Variants in CNOT6 observed in about 807,000 individuals in gnomAD.
CNOT6 encodes the protein CCR4-NOT transcription complex subunit 6, also known as carbon catabolite repression 4 protein.
A neutral mutation model predicts 61.2 loss-of-function variants in CNOT6; 12 were observed. The ratio of observed to expected loss-of-function variants is 0.20; its 90% CI spans 0.13 to 0.32. The LOEUF is 0.32. CNOT6 is among the 10% of genes least tolerant of loss of function. CNOT6 has a pLI of 1.00. For missense variants in CNOT6, 405 were observed against 663.9 expected, an observed-to-expected ratio of 0.61 and a Z score of 4.28; for synonymous variants, 225 against 240.6, an observed-to-expected ratio of 0.94 and a Z score of 0.60.
chr5:180,566,482 A>G (rs1222938589), intron 7 of CNOT6, among the ~76,000 whole-genome samples: 1 of 151,962 alleles, frequency 6.6e-6, no homozygotes, highest in African/African-American at 2.4e-5. Context: ...TTCTTGTTCC[A>G]CCTCAGTTCT....
chr5:180,564,813 T>A, intron 6 of CNOT6, 70 bp downstream of exon 6: 1 of 1,162,478 alleles, frequency 8.6e-7, no homozygotes, highest in Non-Finnish European at 1.3e-6. Context: ...ATTGTCAGCA[T>A]GCTTAGATTA....
At chr5:180,504,126 A>T (rs926180073) in intron 1 of CNOT6, among the ~76,000 whole-genome samples, 8 of 152,240 alleles carry the variant, frequency 5.3e-5, no homozygotes, top group Non-Finnish European at 1.0e-4. Context: ...TCCACATAAG[A>T]GTACTTTTCA....
intron 4 of CNOT6, among the ~76,000 whole-genome samples, chr5:180,561,393 T>TG (rs1554102908): frequency 6.7e-6 from 1 of 149,116 alleles, no homozygotes; most frequent in Non-Finnish European, 1.5e-5. Flanking sequence ...TGTGTGTGTG[T>TG]TTTCAAGCAT....
At chr5:180,556,280 G>GGAAA (rs1194604637) in intron 4 of CNOT6, among the ~76,000 whole-genome samples, 7 of 152,278 alleles carry the variant, frequency 4.6e-5, no homozygotes. Flanking sequence ...GGGACAGAGT[G>GGAAA]GAAAGGAGAG....
chr5:180,530,185 T>C (rs1426957719), intron 2 of CNOT6, among the ~76,000 whole-genome samples: 1 of 152,238 alleles, frequency 6.6e-6, no homozygotes, highest in Non-Finnish European at 1.5e-5. Context: ...TTTTGTCGTC[T>C]TTCACCTGAC....
rs903048602 is a variant in CNOT6, at chr5:180,574,948, T to C, written c.*748T>C. ...GAGGCAACTTATTCATGAATTTTTA[T>C]GAAAACTATCTACTAGGACAGATAA... On this transcript the variant is annotated 3_prime_UTR_variant, in exon 12 of 12. Transcript: ENST00000261951. The C allele has an allele frequency of 7.2e-5, 11 of 152,780 alleles. No individual in the cohort carries two copies. Among genetic ancestry groups the C allele is most frequent in the African/African-American group, 2.2e-4 (9 of 41,478 alleles). The allele number at this position is 152,780 out of a possible 1,614,324, so 9.5% of individuals were successfully genotyped here. A position where few individuals can be genotyped will look rare whatever the true frequency, so the allele number is the denominator to read the frequency against.
chr5:180,557,614 G>A (rs751470250), intron 4 of CNOT6, among the ~76,000 whole-genome samples: 1 of 152,126 alleles, frequency 6.6e-6, no homozygotes, highest in Non-Finnish European at 1.5e-5. Flanking sequence ...CTAGGTACGA[G>A]TCGTTGGTGG....
At chr5:180,547,447 G>A (rs1013311325) in intron 2 of CNOT6, among the ~76,000 whole-genome samples, 4 of 151,968 alleles carry the variant, frequency 2.6e-5, no homozygotes, top group Non-Finnish European at 4.4e-5. Flanking sequence ...TTGAACCTGG[G>A]AGGCAGAGGC....
intron 1 of CNOT6, among the ~76,000 whole-genome samples, chr5:180,519,722 A>G (rs1757797347): frequency 6.6e-6 from 1 of 151,042 alleles, no homozygotes; most frequent in African/African-American, 2.4e-5. Context: ...CTCTTATTTA[A>G]TGTTTGAGAT....
chr5:180,538,748 A>G (rs1449118045), intron 2 of CNOT6, among the ~76,000 whole-genome samples: 2 of 148,454 alleles, frequency 1.3e-5, no homozygotes, highest in Admixed American at 6.8e-5. Flanking sequence ...GTAGTGTGCA[A>G]CTGTGGTCCC....
At chr5:180,542,522 A>G (rs1759100326) in intron 2 of CNOT6, among the ~76,000 whole-genome samples, 2 of 151,966 alleles carry the variant, frequency 1.3e-5, no homozygotes, top group South Asian at 4.1e-4. Context: ...ACCTTGGCCT[A>G]CCACAGTGCT....
At chr5:180,561,911 C>G (rs1197021606) in intron 4 of CNOT6, among the ~76,000 whole-genome samples, 3 of 152,258 alleles carry the variant, frequency 2.0e-5, no homozygotes, top group Non-Finnish European at 4.4e-5. Context: ...CAGCAGAAGT[C>G]TACCAGCCTC....
chr5:180,505,655 C>T (rs1757103583), intron 1 of CNOT6, among the ~76,000 whole-genome samples: 1 of 150,810 alleles, frequency 6.6e-6, no homozygotes, highest in Non-Finnish European at 1.5e-5. Flanking sequence ...TTACGCCATT[C>T]TCCTGCCTCA....
At chr5:180,533,227 T>C (rs4700744) in intron 2 of CNOT6, among the ~76,000 whole-genome samples, 2,707 of 151,070 alleles carry the variant, frequency 0.018, 130 homozygotes, top group East Asian at 0.094. Flanking sequence ...GAGAAGGTCA[T>C]AGATCCTGTT....
At position 180,573,362 on chromosome 5, in the gene CNOT6, A is replaced by G. The variant is rs1045989857; in HGVS notation, c.1462-626A>G. ...AAGTCTCAACCACACAAATGAGTAG[A>G]TAATTACACCTTGAGATGGCCATTA... On this transcript the variant is annotated intron_variant, in intron 11 of 11. Transcript: ENST00000261951. Among the ~76,000 whole-genome samples, 16 of 152,132 alleles carry G rather than the reference A, an allele frequency of 1.1e-4. 1 individual carries two copies. The highest frequency in any genetic ancestry group is 3.6e-4 in the African/African-American group (15 of 41,426).
intron 7 of CNOT6, 128 bp downstream of exon 7, chr5:180,566,105 T>C: frequency 1.3e-5 from 11 of 867,614 alleles, no homozygotes; most frequent in Non-Finnish European, 1.9e-5. Flanking sequence ...CTGTTATTAG[T>C]GAATCCTGGG....
At chr5:180,522,464 G>A (rs1213644721) in intron 1 of CNOT6, among the ~76,000 whole-genome samples, 1 of 152,130 alleles carries the variant, frequency 6.6e-6, no homozygotes, top group Non-Finnish European at 1.5e-5. Flanking sequence ...TTTCACAATG[G>A]CTAAACTAAT....
chr5:180,551,580 T>C (rs6861013), intron 3 of CNOT6, among the ~76,000 whole-genome samples: 2 of 152,152 alleles, frequency 1.3e-5, no homozygotes, highest in Non-Finnish European at 2.9e-5. Context: ...ATAAGGTAGA[T>C]AAGATCTAAC....
At chr5:180,525,423 C>T (rs1353470370) in intron 1 of CNOT6, among the ~76,000 whole-genome samples, 1 of 151,576 alleles carries the variant, frequency 6.6e-6, no homozygotes, top group Non-Finnish European at 1.5e-5. Context: ...CCTGTAGTCC[C>T]AACTACACGG....
Sources: gnomAD v4.1 joint callset for allele counts (sites outside exome capture counted in the v4.1 genomes callset) on GRCh38, gnomAD v4.1.1 for gene constraint, MANE v1.5 for transcripts, NCBI Gene and HGNC (gene_info 2026-07-23, HGNC 2026-07-21) for gene names.